Variants in PPP3CA observed in about 807,000 individuals in gnomAD.
PPP3CA encodes the protein CAM-PRP catalytic subunit.
PPP3CA carries 14 observed loss-of-function variants against 66.5 expected under a neutral mutation model. That is an observed-to-expected ratio of 0.21 (90% CI 0.14 to 0.33). The LOEUF (loss-of-function observed/expected upper bound fraction) is 0.33. PPP3CA is among the 10% of genes least tolerant of loss of function. PPP3CA has a pLI of 1.00. For missense variants in PPP3CA, 317 were observed against 639.5 expected (o/e 0.50, Z 5.44); for synonymous variants, 232 against 226.2 (o/e 1.03, Z -0.23).
At chr4:101,029,110 C>G in intron 13 of PPP3CA, 56 bp downstream of exon 13, 1 of 1,508,744 alleles carries the variant, frequency 6.6e-7, no homozygotes, top group Non-Finnish European at 9.2e-7. Flanking sequence ...AATGAATACA[C>G]CCAGCAGAGC....
At chr4:101,237,025 GAATT>G (rs1222148747) in intron 1 of PPP3CA, among the ~76,000 whole-genome samples, 4 of 149,558 alleles carry the variant, frequency 2.7e-5, no homozygotes, top group Admixed American at 6.7e-5. Flanking sequence ...AGGCTAATAA[GAATT>G]AAATAAAATA....
rs7678617 is a variant in PPP3CA at position 101,315,553 on chromosome 4, C to T, written c.58+31186G>A. Among the ~76,000 whole-genome samples, 1,396 of 152,162 alleles carry T rather than the reference C, an allele frequency of 9.2e-3. 14 individuals carry two copies. Among genetic ancestry groups the T allele is most frequent in the African/African-American group, 0.031 (1,293 of 41,510 alleles). On this transcript the variant is annotated intron_variant, in intron 1 of 13. Transcript: ENST00000394854. The stretch of plus-strand genomic sequence containing the variant: ...CTCTCATTCAAGACGCAGAAATATG[C>T]CCAAAAGAATAAAGCCAATAAAGTA...
intron 2 of PPP3CA, among the ~76,000 whole-genome samples, chr4:101,193,525 T>C (rs1469095954): frequency 6.6e-6 from 1 of 151,628 alleles, no homozygotes; most frequent in Non-Finnish European, 1.5e-5. Context: ...CTGGATAAAC[T>C]TCATCTCTAC....
intron 1 of PPP3CA, among the ~76,000 whole-genome samples, chr4:101,227,132 A>G (rs3804389): frequency 2.3e-5 from 3 of 132,346 alleles, no homozygotes; most frequent in Admixed American, 1.8e-4. Context: ...ATACATACAT[A>G]CATACATACA....
chr4:101,220,749 T>A (rs1236509628), intron 1 of PPP3CA, among the ~76,000 whole-genome samples: 2 of 151,670 alleles, frequency 1.3e-5, no homozygotes, highest in Non-Finnish European at 3.0e-5. Flanking sequence ...ATAACTGACA[T>A]ACACACACAG....
At chr4:101,337,227 T>C (rs6842191) in intron 1 of PPP3CA, among the ~76,000 whole-genome samples, 16,142 of 152,210 alleles carry the variant, frequency 0.11, 2,907 homozygotes, top group African/African-American at 0.37. Context: ...TCTCTGATGC[T>C]TCTAAATATT....
intron 1 of PPP3CA, among the ~76,000 whole-genome samples, chr4:101,206,668 A>T (rs926733078): frequency 6.6e-6 from 1 of 152,248 alleles, no homozygotes; most frequent in Non-Finnish European, 1.5e-5. Flanking sequence ...ATCAAGTCCC[A>T]TTGAGTGTCT....
At chr4:101,247,041 A>T (rs1366203320) in intron 1 of PPP3CA, among the ~76,000 whole-genome samples, 1 of 152,246 alleles carries the variant, frequency 6.6e-6, no homozygotes, top group Non-Finnish European at 1.5e-5. Flanking sequence ...GTTTGCATTC[A>T]AATGCAAATC....
intron 1 of PPP3CA, among the ~76,000 whole-genome samples, chr4:101,338,965 A>T (rs1025841444): frequency 6.6e-6 from 1 of 152,258 alleles, no homozygotes; most frequent in Non-Finnish European, 1.5e-5. Context: ...ATAAAACAGC[A>T]TAACTTACAA....
chr4:101,131,226 G>A (rs1722420609), intron 2 of PPP3CA, among the ~76,000 whole-genome samples: 2 of 143,410 alleles, frequency 1.4e-5, no homozygotes, highest in Admixed American at 7.0e-5. Flanking sequence ...ACAAAAGTGA[G>A]ACTCCGTCTC....
chr4:101,275,029 T>C lies in PPP3CA; in HGVS notation c.58+71710A>G, dbSNP rs116856486. On this transcript the variant is annotated intron_variant, in intron 1 of 13. Transcript: ENST00000394854. ...AATGAAACTGAATCATTTTCAGTGA[T>C]TGGGCTCCAAAAAGTTAATTATTTA... 8.2e-3 allele frequency among the ~76,000 whole-genome samples: 1,252 copies of C among 152,314 alleles called. 11 individuals carry two copies. The highest frequency in any genetic ancestry group is 0.02 in the Middle Eastern group (6 of 294).
At chr4:101,304,387 T>C (rs1383418625) in intron 1 of PPP3CA, among the ~76,000 whole-genome samples, 2 of 152,212 alleles carry the variant, frequency 1.3e-5, no homozygotes, top group Non-Finnish European at 2.9e-5. Context: ...TACTGGAACC[T>C]GTTTCTGGGT....
In PPP3CA at chr4:101,271,217, A is replaced by G. The variant is rs1727327864; in HGVS notation, c.59-75101T>C. On this transcript the variant is annotated intron_variant, in intron 1 of 13. Transcript: ENST00000394854. ...CTTGATAATTAAAAAAGCAGCTTTC[A>G]GTCGACAATAAACTCATGACACATA... 3.3e-5 allele frequency among the ~76,000 whole-genome samples: 5 copies of G among 152,302 alleles called. No individual in the cohort carries two copies. The South Asian group carries it at 1.0e-3, about 32-fold the overall frequency.
intron 10 of PPP3CA, among the ~76,000 whole-genome samples, chr4:101,051,103 A>T (rs1446846911): frequency 1.3e-5 from 2 of 152,162 alleles, no homozygotes; most frequent in African/African-American, 2.4e-5. Flanking sequence ...GATGCGGTTG[A>T]TAAAATAGAA....
At chr4:101,131,991 T>C (rs924589583) in intron 2 of PPP3CA, among the ~76,000 whole-genome samples, 2 of 152,154 alleles carry the variant, frequency 1.3e-5, no homozygotes, top group Admixed American at 6.6e-5. Context: ...AACAACCTGC[T>C]CCTGAATGAC....
chr4:101,083,474 G>A (rs1335673714), intron 6 of PPP3CA, among the ~76,000 whole-genome samples: 1 of 151,954 alleles, frequency 6.6e-6, no homozygotes, highest in Non-Finnish European at 1.5e-5. Context: ...GAAAGGGGTT[G>A]AGGTGCATGA....
At chr4:101,156,012 G>A (rs542289405) in intron 2 of PPP3CA, among the ~76,000 whole-genome samples, 3 of 152,256 alleles carry the variant, frequency 2.0e-5, no homozygotes, top group Admixed American at 1.3e-4. Context: ...TTAGAGATAC[G>A]GAAACTATGC....
At chr4:101,186,742 A>G (rs1724422797) in intron 2 of PPP3CA, among the ~76,000 whole-genome samples, 1 of 152,178 alleles carries the variant, frequency 6.6e-6, no homozygotes, top group Non-Finnish European at 1.5e-5. Context: ...GTCACAGCAC[A>G]GCCCTCTCAG....
At position 101,253,148 on chromosome 4, in the gene PPP3CA, T is replaced by C. The variant is rs190055883; in HGVS notation, c.59-57032A>G. 2.6e-5 allele frequency among the ~76,000 whole-genome samples: 4 copies of C among 152,330 alleles called. No homozygotes were observed. The East Asian group carries it at 5.8e-4, about 22-fold the overall frequency. ...AAAACAACATACTGAGATTGCTCAT[T>C]AAAAGTGTTCTTGCTATGTTTATTT... On this transcript the variant is annotated intron_variant, in intron 1 of 13. Coordinates refer to ENST00000394854, the MANE Select transcript of PPP3CA (RefSeq NM_000944.5).
Sources: allele counts gnomAD v4.1 joint callset (sites outside exome capture counted in the v4.1 genomes callset), GRCh38; gene constraint gnomAD v4.1.1; transcripts MANE v1.5; gene names NCBI Gene and HGNC (gene_info 2026-07-23, HGNC 2026-07-21).